The following FAM193A variants were observed in gnomAD, a reference collection of about 807,000 sequenced individuals.
FAM193A encodes family with sequence similarity 193 member A, also known as protein FAM193A.
Under a neutral mutation model 126.5 loss-of-function variants are expected in FAM193A, and 22 were observed. That is an observed-to-expected ratio of 0.17 (90% CI 0.12 to 0.25). The LOEUF (loss-of-function observed/expected upper bound fraction) is 0.25, where lower values mean the gene tolerates loss of function less well. FAM193A is among the 10% of genes least tolerant of loss of function. FAM193A has a pLI of 1.00. For missense variants in FAM193A, 1,675 were observed against 1,672.8 expected (o/e 1.00, Z -0.02); for synonymous variants, 761 against 646.8 (o/e 1.18, Z -2.68).
intron 13 of FAM193A, among the ~76,000 whole-genome samples, chr4:2,688,206 G>T: frequency 6.6e-6 from 1 of 152,202 alleles, no homozygotes; most frequent in African/African-American, 2.4e-5. Flanking sequence ...ATCCTAGAGC[G>T]CATATAATTT....
intron 18 of FAM193A, among the ~76,000 whole-genome samples, chr4:2,699,187 G>A (rs1256793477): frequency 6.6e-6 from 1 of 152,196 alleles, no homozygotes; most frequent in African/African-American, 2.4e-5. Flanking sequence ...CCCTGTTCAA[G>A]TGAATGCATT....
chr4:2,592,900 C>T (rs1740649977), intron 1 of FAM193A, among the ~76,000 whole-genome samples: 2 of 152,154 alleles, frequency 1.3e-5, no homozygotes, highest in African/African-American at 4.8e-5. Flanking sequence ...CACACAGGGC[C>T]AGGAGCAGTG....
chr4:2,603,132 C>G (rs991155224), intron 2 of FAM193A, among the ~76,000 whole-genome samples: 4 of 149,454 alleles, frequency 2.7e-5, no homozygotes, highest in African/African-American at 9.8e-5. Flanking sequence ...CCATGCCTGG[C>G]TAATTTTGTG....
At chr4:2,675,435 G>A (rs1382959020) in intron 13 of FAM193A, among the ~76,000 whole-genome samples, 1 of 152,150 alleles carries the variant, frequency 6.6e-6, no homozygotes, top group Non-Finnish European at 1.5e-5. Context: ...TCTGTTATTA[G>A]CGGCACACAC....
At chr4:2,602,238 G>A (rs370290240) in intron 2 of FAM193A, among the ~76,000 whole-genome samples, 2 of 151,376 alleles carry the variant, frequency 1.3e-5, no homozygotes, top group Non-Finnish European at 2.9e-5. Context: ...TTAGAGGCCC[G>A]AAAGAGAACA....
At chr4:2,694,844 T>C in intron 16 of FAM193A, 102 bp from the exon 17 acceptor site, 1 of 1,025,602 alleles carries the variant, frequency 9.8e-7, no homozygotes, top group African/African-American at 1.6e-5. Flanking sequence ...CGCTGCCTCT[T>C]GTCTGTGAAA....
intron 5 of FAM193A, among the ~76,000 whole-genome samples, chr4:2,639,067 T>A (rs1744360411): frequency 6.6e-6 from 1 of 152,222 alleles, no homozygotes; most frequent in Non-Finnish European, 1.5e-5. Flanking sequence ...ACTTATTAAA[T>A]GTGAACATTA....
chr4:2,709,177 T>C (rs2109344345), intron 19 of FAM193A, among the ~76,000 whole-genome samples: 1 of 152,358 alleles, frequency 6.6e-6, no homozygotes, highest in South Asian at 2.1e-4. Flanking sequence ...ATGTTTCTCC[T>C]TAGATGTATT....
rs540511773 is a variant in FAM193A, at chr4:2,543,475, T to A, written c.255+6305T>A. On this transcript the variant is annotated intron_variant, in intron 1 of 20. Coordinates refer to ENST00000637812, the MANE Select transcript of FAM193A (RefSeq NM_001366318.2). ...ATTTAGGGAGGCCAGGGTGGGAGGA[T>A]CACTTGAGTCCAGGAGTTTGAGATC... 2.0e-5 allele frequency among the ~76,000 whole-genome samples: 3 copies of A among 151,940 alleles called. No individual in the cohort carries two copies. The East Asian group carries it at 5.8e-4, about 29-fold the overall frequency.
intron 1 of FAM193A, among the ~76,000 whole-genome samples, chr4:2,563,726 C>T (rs1174170371): frequency 1.3e-5 from 2 of 152,156 alleles, no homozygotes; most frequent in African/African-American, 2.4e-5. Flanking sequence ...GGGAATCAAC[C>T]CTCAAAGATT....
intron 1 of FAM193A, among the ~76,000 whole-genome samples, chr4:2,581,141 C>CAACAA (rs1553889116): frequency 6.9e-6 from 1 of 145,418 alleles, no homozygotes; most frequent in Admixed American, 6.9e-5. Flanking sequence ...AAAACAACAA[C>CAACAA]AAAAAAAAAA....
At chr4:2,607,853 A>C in intron 2 of FAM193A, 1 of 616,450 alleles carries the variant, frequency 1.6e-6, no homozygotes. Flanking sequence ...ACTCAGTAGC[A>C]GCTCTTTATT....
chr4:2,665,737 G>C (rs1048576014), intron 12 of FAM193A, among the ~76,000 whole-genome samples: 2 of 152,332 alleles, frequency 1.3e-5, no homozygotes, highest in African/African-American at 4.8e-5. Context: ...ATGTTGCCCA[G>C]GCTGGTCTTG....
At chr4:2,699,283 G>GT (rs1717391644) in intron 18 of FAM193A, among the ~76,000 whole-genome samples, 1 of 152,104 alleles carries the variant, frequency 6.6e-6, no homozygotes, top group Admixed American at 6.5e-5. Flanking sequence ...TGTGGTATTG[G>GT]TTACATCATC....
At chr4:2,708,927 A>C (rs1718617665) in intron 19 of FAM193A, among the ~76,000 whole-genome samples, 1 of 152,186 alleles carries the variant, frequency 6.6e-6, no homozygotes, top group South Asian at 2.1e-4. Context: ...TCTTTTACTT[A>C]ACTGCATCTT....
chr4:2,660,060 T>C lies in FAM193A; in HGVS notation c.1745+6T>C, dbSNP rs769059938. 6 of 1,612,522 alleles carry C rather than the reference T, an allele frequency of 3.7e-6. No homozygotes were observed. The South Asian group carries it at 6.6e-5, about 18-fold the overall frequency. On this transcript the variant is annotated splice_donor_region_variant and intron_variant, in intron 10 of 20. Coordinates refer to ENST00000637812, the MANE Select transcript of FAM193A (RefSeq NM_001366318.2). ...AGTGGCTCGGCACCAACTTTGTAAG[T>C]TGTGACTTTGTAATAAAGTTTCCGA...
At chr4:2,718,054 A>G (rs1198070964) in intron 20 of FAM193A, among the ~76,000 whole-genome samples, 1 of 152,238 alleles carries the variant, frequency 6.6e-6, no homozygotes, top group African/African-American at 2.4e-5. Flanking sequence ...AGAGCTGTTT[A>G]TGTAAGGCTA....
intron 1 of FAM193A, among the ~76,000 whole-genome samples, chr4:2,546,182 G>T (rs1737540797): frequency 6.6e-6 from 1 of 151,450 alleles, no homozygotes. Context: ...TGTAAAGATG[G>T]GGTCCCACTG....
intron 2 of FAM193A, 65 bp from the exon 3 acceptor site, chr4:2,625,197 A>C (rs914478697): frequency 8.0e-6 from 5 of 623,312 alleles, no homozygotes; most frequent in Middle Eastern, 2.5e-4. Flanking sequence ...CTGAACAGTT[A>C]ATAAAAAATT....
Sources: gnomAD v4.1 joint callset for allele counts (sites outside exome capture counted in the v4.1 genomes callset) on GRCh38, gnomAD v4.1.1 for gene constraint, MANE v1.5 for transcripts, NCBI Gene and HGNC (gene_info 2026-07-23, HGNC 2026-07-21) for gene names.